Variants in DCAF6 observed in about 807,000 individuals in gnomAD.
DCAF6 encodes DDB1 and CUL4 associated factor 6.
In DCAF6, 54 loss-of-function variants were observed where a neutral mutation model predicts 125.1. The observed-to-expected ratio is 0.43, with a 90% CI of 0.35 to 0.54. The LOEUF (loss-of-function observed/expected upper bound fraction) is 0.54. Ranked by LOEUF, DCAF6 falls within the 20% of genes least tolerant of loss-of-function variation. The pLI, the probability that DCAF6 is intolerant of heterozygous loss-of-function variation, is 0.01. For synonymous variants in DCAF6, 371 were observed against 390.4 expected, an observed-to-expected ratio of 0.95 and a Z score of 0.58; for missense variants, 934 against 1,161.7, an observed-to-expected ratio of 0.80 and a Z score of 2.85.
chr1:167,942,293 A>C (rs1672372123), intron 1 of DCAF6, among the ~76,000 whole-genome samples: 1 of 151,954 alleles, frequency 6.6e-6, no homozygotes, highest in Non-Finnish European at 1.5e-5. Flanking sequence ...CGAACTCCTG[A>C]CCTCAGGTGA....
intron 11 of DCAF6, 145 bp downstream of exon 11, chr1:168,016,096 A>AT (rs1337736956): frequency 1.4e-5 from 8 of 558,898 alleles, no homozygotes; most frequent in Non-Finnish European, 1.9e-5. Flanking sequence ...TATGGGTGGT[A>AT]TTCAACATCA....
At chr1:168,000,722 C>T (rs984672644) in intron 7 of DCAF6, among the ~76,000 whole-genome samples, 1 of 151,948 alleles carries the variant, frequency 6.6e-6, no homozygotes, top group Admixed American at 6.6e-5. Flanking sequence ...AAACATAATA[C>T]TAAGTGAAAG....
intron 11 of DCAF6, among the ~76,000 whole-genome samples, chr1:168,021,984 G>A (rs1685725240): frequency 6.6e-6 from 1 of 152,102 alleles, no homozygotes; most frequent in Admixed American, 6.5e-5. Context: ...ATTGGTTGGG[G>A]AGAGTTGCGC....
intron 17 of DCAF6, among the ~76,000 whole-genome samples, chr1:168,052,362 CTAAAG>C (rs549825032): frequency 2.2e-3 from 335 of 152,056 alleles, no homozygotes; most frequent in Admixed American, 4.5e-3. Context: ...AGCTGAAACA[CTAAAG>C]TAGAGATTAT....
At chr1:168,000,435 G>A (rs1571880345) in intron 7 of DCAF6, among the ~76,000 whole-genome samples, 1 of 152,108 alleles carries the variant, frequency 6.6e-6, no homozygotes, top group Admixed American at 6.6e-5. Flanking sequence ...AAAAACCACA[G>A]TATCTGTGAA....
At position 168,044,852 on chromosome 1, in the gene DCAF6, G is replaced by T. The variant is rs373766337; in HGVS notation, c.1931-48G>T. On this transcript the variant is annotated intron_variant, in intron 15 of 21. Transcript: ENST00000367840. The stretch of plus-strand genomic sequence containing the variant: ...GCTCCTAAGTTAGGTTAAATAATTA[G>T]TATTGCCCACATTACCACCTGTTAC... The T allele has an allele frequency of 5.4e-4, 857 of 1,577,778 alleles. 10 individuals are homozygous for T. Among genetic ancestry groups the T allele is most frequent in the Middle Eastern group, 3.4e-4 (2 of 5,902 alleles).
chr1:167,901,564 C>G, the DCAF6 span: 1 of 1,267,106 alleles, frequency 7.9e-7, no homozygotes, highest in South Asian at 1.2e-5. Flanking sequence ...GGGGCTGAGC[C>G]ACCATGTTCT....
chr1:167,997,765 A>G (rs1013075318), intron 7 of DCAF6, among the ~76,000 whole-genome samples: 5 of 152,208 alleles, frequency 3.3e-5, no homozygotes, highest in Non-Finnish European at 7.4e-5. Flanking sequence ...TCCAGAATGT[A>G]TAAGGAACAC....
the DCAF6 span, among the ~76,000 whole-genome samples, chr1:167,921,611 G>A: frequency 1.3e-5 from 2 of 151,912 alleles, no homozygotes; most frequent in South Asian, 2.1e-4. Context: ...GCACTCATGC[G>A]TTTTTGCTCC....
At chr1:167,925,615 C>T in the DCAF6 span, among the ~76,000 whole-genome samples, 8 of 146,032 alleles carry the variant, frequency 5.5e-5, no homozygotes, top group African/African-American at 7.6e-5. Flanking sequence ...GGCACAATCT[C>T]GGCTCACTGC....
chr1:167,936,070 C>T, upstream of DCAF6: 2 of 572,878 alleles, frequency 3.5e-6, no homozygotes, highest in Non-Finnish European at 3.2e-6. Context: ...CCCCGGTCCG[C>T]CTCCGGCCCC....
At chr1:168,044,834 A>G in intron 15 of DCAF6, 66 bp from the exon 16 acceptor site, 3 of 1,544,438 alleles carry the variant, frequency 1.9e-6, no homozygotes, top group Non-Finnish European at 2.6e-6. Flanking sequence ...TGAGCTCCTA[A>G]GTTAGGTTAA....
Position 167,936,698 on chromosome 1 carries a change from T to C in DCAF6, c.-214T>C, listed in dbSNP as rs1453290314. ...GCTGATCTTTGGATGTTCTGGTTAG[T>C]CTAAGAAGGAGAGTATGAGGCGAGC... On this transcript the variant is annotated 5_prime_UTR_variant, in exon 1 of 22. Transcript: ENST00000367840. 1 of 558,964 alleles carries C rather than the reference T, an allele frequency of 1.8e-6. No individual in the cohort carries two copies. Among genetic ancestry groups the C allele is most frequent in the Non-Finnish European group, 3.2e-6 (1 of 313,998 alleles). The allele number at this position is 558,964 out of a possible 1,614,324, so 34.6% of individuals were successfully genotyped here.
chr1:167,967,166 A>T (rs1676542906), intron 3 of DCAF6, among the ~76,000 whole-genome samples: 1 of 152,218 alleles, frequency 6.6e-6, no homozygotes, highest in Admixed American at 6.5e-5. Flanking sequence ...TTTCTTAAAA[A>T]TTTGAAATTT....
the DCAF6 span, among the ~76,000 whole-genome samples, chr1:167,924,026 C>T: frequency 1.3e-5 from 2 of 152,202 alleles, no homozygotes; most frequent in African/African-American, 4.8e-5. Flanking sequence ...AAGCACTGGG[C>T]TTGGAGTCAG....
In DCAF6 at chr1:168,009,459, T is replaced by TCC. The variant is rs1189181089; in HGVS notation, c.1378+4667_1378+4668insCC. 1.4e-4 allele frequency among the ~76,000 whole-genome samples: 5 copies of TCC among 35,408 alleles called. 1 individual carries two copies. In the Admixed American group the frequency reaches 2.1e-3, roughly 15 times the overall value. 23.2% of individuals were successfully genotyped at this position (35,408 alleles called of 152,430 possible). On this transcript the variant is annotated intron_variant, in intron 10 of 21. Coordinates refer to ENST00000367840, the MANE Select transcript of DCAF6 (RefSeq NM_001198956.2). ...CTCTCTTTCTTTCTTTCTGTCTCTC[T>TCC]CTCTTCCTTCCTCCCTCCCTCCCTT...
intron 13 of DCAF6, among the ~76,000 whole-genome samples, chr1:168,039,438 T>C (rs1280334061): frequency 6.6e-6 from 1 of 151,216 alleles, no homozygotes; most frequent in African/African-American, 2.4e-5. Flanking sequence ...ATTAATCTAA[T>C]GAAACTTTAC....
At chr1:167,875,060 C>T in the DCAF6 span, 1 of 1,199,794 alleles carries the variant, frequency 8.3e-7, no homozygotes, top group Non-Finnish European at 1.2e-6. Context: ...GCACAGTTAT[C>T]ATTGATGTAC....
At chr1:168,034,364 A>C (rs1042990095) in intron 12 of DCAF6, among the ~76,000 whole-genome samples, 1 of 152,158 alleles carries the variant, frequency 6.6e-6, no homozygotes, top group African/African-American at 2.4e-5. Context: ...AAAATAAAGA[A>C]GTTGGGCATG....
Sources: allele counts gnomAD v4.1 joint callset (sites outside exome capture counted in the v4.1 genomes callset), GRCh38; gene constraint gnomAD v4.1.1; transcripts MANE v1.5; gene names NCBI Gene and HGNC (gene_info 2026-07-23, HGNC 2026-07-21).